The following PCDHGB7 variants were observed in gnomAD, a reference collection of about 807,000 sequenced individuals.
PCDHGB7 encodes protocadherin gamma-B7.
PCDHGB7 carries 37 observed loss-of-function variants against 61.4 expected under a neutral mutation model. The observed-to-expected ratio is 0.60, with a 90% CI of 0.46 to 0.79. The LOEUF (loss-of-function observed/expected upper bound fraction) is 0.79, where lower values mean the gene tolerates loss of function less well. Ranked by LOEUF, PCDHGB7 falls within the 30% of genes least tolerant of loss-of-function variation. The probability of loss-of-function intolerance (pLI) is 0.00; values close to 1 mark genes in which losing one functional copy is unlikely to be tolerated. For synonymous variants in PCDHGB7, 464 were observed against 503.5 expected, an observed-to-expected ratio of 0.92 and a Z score of 1.05; for missense variants, 1,166 against 1,202.5, an observed-to-expected ratio of 0.97 and a Z score of 0.45.
Position 141,485,291 on chromosome 5 carries a change from CAGGA to C in PCDHGB7, c.2416-9512_2416-9509del. ...CCGCTACCCGGTCCCAGAGGAGTCA[CAGGA>C]AGGGACTTTTGTAGGGAATGTCGCT... On this transcript the variant is annotated intron_variant, in intron 1 of 3. Transcript: ENST00000398594. The surrounding 1 kb of genome is among the most constrained non-coding windows in gnomAD (Gnocchi z 5.7). 1 of 1,614,152 alleles carries C rather than the reference CAGGA, an allele frequency of 6.2e-7. No individual in the cohort carries two copies. Among genetic ancestry groups the C allele is most frequent in the Non-Finnish European group, 8.5e-7 (1 of 1,179,992 alleles).
chr5:141,468,983 AATT>A (rs958294955), intron 1 of PCDHGB7, among the ~76,000 whole-genome samples: 5 of 148,376 alleles, frequency 3.4e-5, no homozygotes, highest in Admixed American at 6.8e-5. Context: ...TGACTTCCAA[AATT>A]ATTGTTTTTG....
chr5:141,433,849 A>C (rs116534867), intron 1 of PCDHGB7, among the ~76,000 whole-genome samples: 2,948 of 152,020 alleles, frequency 0.019, 43 homozygotes, highest in African/African-American at 0.028. Context: ...AAAAAAAAAA[A>C]AAAAAACTTT....
intron 1 of PCDHGB7, chr5:141,421,172 G>A: frequency 7.3e-7 from 1 of 1,366,164 alleles, no homozygotes; most frequent in Non-Finnish European, 9.8e-7. Context: ...AGATACATAA[G>A]CCGATTCACA....
chr5:141,465,366 A>G (rs2099102089), intron 1 of PCDHGB7, among the ~76,000 whole-genome samples: 1 of 152,154 alleles, frequency 6.6e-6, no homozygotes, highest in Non-Finnish European at 1.5e-5. Flanking sequence ...GGTGCCCTTT[A>G]AAGTTGTAAG....
At chr5:141,421,283 T>G (rs2096560959) in intron 1 of PCDHGB7, 4 of 1,612,952 alleles carry the variant, frequency 2.5e-6, no homozygotes, top group Non-Finnish European at 3.4e-6. Flanking sequence ...CTGCTGTGCA[T>G]TTTCCTGGGG....
At chr5:141,464,044 C>T (rs898632465) in intron 1 of PCDHGB7, among the ~76,000 whole-genome samples, 1 of 152,086 alleles carries the variant, frequency 6.6e-6, no homozygotes, top group African/African-American at 2.4e-5. Context: ...GCGGGTGGAT[C>T]ACCTGAGGTC....
At chr5:141,423,025 G>A in intron 1 of PCDHGB7, 1 of 1,614,222 alleles carries the variant, frequency 6.2e-7, no homozygotes, top group Non-Finnish European at 8.5e-7. Context: ...CAAAGATTCA[G>A]GCCAGAACGC....
At chr5:141,441,196 G>C (rs575668023) in intron 1 of PCDHGB7, 2 of 152,266 alleles carry the variant, frequency 1.3e-5, no homozygotes, top group East Asian at 3.9e-4. Flanking sequence ...GATTCCCAAA[G>C]ATTCTGCACC....
At position 141,419,543 on chromosome 5, in the gene PCDHGB7, G is replaced by A. The variant is rs573594140; in HGVS notation, c.1684G>A (p.Val562Met). Residue 562 changes from valine (V) to methionine (M), a missense_variant, in exon 1 of 4, where the codon GTG (valine) becomes ATG (methionine). Physicochemically the swap from Val to Met is conservative, Grantham distance 21. Transcript: ENST00000398594. ...VGDRNDNAPR[V>M]LYPALGPDGS... is the part of the protein sequence containing the mutation. ...CGACCGTAACGACAACGCACCGCGG[G>A]TGCTGTACCCTGCGCTGGGTCCCGA... 2.5e-5 allele frequency: 40 copies of A among 1,612,106 alleles called. No individual in the cohort carries two copies. The highest frequency in any genetic ancestry group is 2.0e-4 in the African/African-American group (15 of 75,052).
intron 2 of PCDHGB7, among the ~76,000 whole-genome samples, chr5:141,502,956 G>A (rs986743949): frequency 1.3e-5 from 2 of 148,846 alleles, no homozygotes; most frequent in African/African-American, 5.0e-5. Context: ...CGATTCTCCT[G>A]CCTCAGCCTC....
At chr5:141,423,029 A>C (rs1049470142) in intron 1 of PCDHGB7, 1 of 1,614,218 alleles carries the variant, frequency 6.2e-7, no homozygotes, top group Non-Finnish European at 8.5e-7. Context: ...GATTCAGGCC[A>C]GAACGCCTGG....
At chr5:141,499,022 AAGG>A (rs2099788758) in intron 2 of PCDHGB7, among the ~76,000 whole-genome samples, 3 of 150,722 alleles carry the variant, frequency 2.0e-5, no homozygotes, top group Non-Finnish European at 3.0e-5. Context: ...GGAAGGAAGG[AAGG>A]AAGAAAAGAA....
rs117623972 is a variant in PCDHGB7 at position 141,503,322 on chromosome 5, C to T, written c.2475-2071C>T. On this transcript the variant is annotated intron_variant, in intron 2 of 3. Transcript: ENST00000398594. Reference sequence around the variant, plus strand: ...GCTCAAGAAAGAATTGTTGGAGGGGCGCGGTGGCTCACGCCTGTAATTCCA... The same window carrying T: ...GCTCAAGAAAGAATTGTTGGAGGGGTGCGGTGGCTCACGCCTGTAATTCCA... Among the ~76,000 whole-genome samples, 216 of 152,126 alleles carry T rather than the reference C, an allele frequency of 1.4e-3. 8 individuals carry two copies. In the East Asian group the frequency reaches 0.038, roughly 27 times the overall value.
At chr5:141,500,782 T>G (rs2099802612) in intron 2 of PCDHGB7, among the ~76,000 whole-genome samples, 2 of 152,222 alleles carry the variant, frequency 1.3e-5, no homozygotes, top group Admixed American at 1.3e-4. Context: ...ATATACATAT[T>G]ATTTTACAGA....
chr5:141,448,323 A>G (rs2098582223), intron 1 of PCDHGB7, among the ~76,000 whole-genome samples: 1 of 152,080 alleles, frequency 6.6e-6, no homozygotes, highest in Non-Finnish European at 1.5e-5. Flanking sequence ...TTTTCTTTGA[A>G]TCTTTATAGC....
intron 1 of PCDHGB7, among the ~76,000 whole-genome samples, chr5:141,444,229 T>G (rs957213677): frequency 4.6e-5 from 6 of 130,226 alleles, no homozygotes; most frequent in Admixed American, 9.4e-5. Context: ...TGGAGTGCAA[T>G]GGCATGCTCT....
chr5:141,422,922 C>T (rs1244444241), intron 1 of PCDHGB7: 1 of 1,614,130 alleles, frequency 6.2e-7, no homozygotes, highest in Non-Finnish European at 8.5e-7. Flanking sequence ...AGATCCTGTA[C>T]CCTGCCCTCC....
In PCDHGB7 at chr5:141,423,758, G is replaced by T. The variant is rs1192987646; in HGVS notation, c.2415+3484G>T. Reference sequence around the variant, plus strand: ...CTGTTATGAAAACTGTTTGGGGGGGGGGTGGGGCGGCATATATTTAGTTCA... The same window carrying T: ...CTGTTATGAAAACTGTTTGGGGGGGTGGTGGGGCGGCATATATTTAGTTCA... On this transcript the variant is annotated intron_variant, in intron 1 of 3. Transcript: ENST00000398594. 1.4e-4 allele frequency: 53 copies of T among 366,832 alleles called. 6 individuals carry two copies. The highest frequency in any genetic ancestry group is 3.4e-4 in the South Asian group (4 of 11,762). 22.7% of individuals were successfully genotyped at this position (366,832 alleles called of 1,614,324 possible).
chr5:141,443,018 A>G (rs2098358800), intron 1 of PCDHGB7, among the ~76,000 whole-genome samples: 1 of 152,208 alleles, frequency 6.6e-6, no homozygotes, highest in Admixed American at 6.5e-5. Flanking sequence ...TGACTAATGG[A>G]AGTTGCCAGA....
Sources: allele counts gnomAD v4.1 joint callset (sites outside exome capture counted in the v4.1 genomes callset), GRCh38; gene constraint gnomAD v4.1.1; non-coding constraint Gnocchi (gnomAD v3.1); transcripts MANE v1.5; gene names NCBI Gene and HGNC (gene_info 2026-07-23, HGNC 2026-07-21).